Variants in NADSYN1 observed in about 807,000 individuals in gnomAD.
NADSYN1 encodes NAD synthetase 1, also known as glutamine-dependent NAD(+) synthetase.
In NADSYN1, 80 loss-of-function variants were observed where a neutral mutation model predicts 99.3. The observed-to-expected ratio is 0.81, with a 90% CI of 0.67 to 0.97. NADSYN1 has a LOEUF of 0.97. NADSYN1 is among the 50% of genes least tolerant of loss of function. NADSYN1 has a pLI of 0.00. For missense variants in NADSYN1, 859 were observed against 948.5 expected (o/e 0.91, Z 1.24); for synonymous variants, 385 against 372.1 (o/e 1.03, Z -0.40).
chr11:71,482,991 C>A lies in NADSYN1; in HGVS notation c.1293C>A (p.Ala431=). The A allele has an allele frequency of 6.2e-7, 1 of 1,612,316 alleles. No homozygotes were observed. Among genetic ancestry groups the A allele is most frequent in the Non-Finnish European group, 8.5e-7 (1 of 1,179,514 alleles). The stretch of plus-strand genomic sequence containing the variant: ...CCTCCCAGGAGACGTGCACCCGGGC[C>A]AGAGAGTTGGCCCAGCAGATTGGAA... ...KNSSQETCTR[A]RELAQQIGSH... is the part of the protein sequence containing the mutation. Residue 431 remains alanine (A), a synonymous_variant, in exon 14 of 21, where the codon GCC becomes GCA. Coordinates refer to ENST00000319023, the MANE Select transcript of NADSYN1 (RefSeq NM_018161.5).
intron 3 of NADSYN1, among the ~76,000 whole-genome samples, chr11:71,460,387 G>C (rs1949543358): frequency 6.6e-6 from 1 of 152,170 alleles, no homozygotes. Context: ...TTCTCACTCT[G>C]TTGTCCAGGC....
At chr11:71,497,242 G>T in intron 18 of NADSYN1, 2 of 497,408 alleles carry the variant, frequency 4.0e-6, no homozygotes, top group Admixed American at 6.6e-5. Flanking sequence ...AGCGCTCCTT[G>T]GTGAGCCACC....
Position 71,453,392 on chromosome 11 carries a change from G to T in NADSYN1, c.85+11G>T. The T allele has an allele frequency of 6.2e-7, 1 of 1,610,514 alleles. No individual in the cohort carries two copies. On this transcript the variant is annotated intron_variant, in intron 1 of 20. Transcript: ENST00000319023. ...AAAGAATTTTAAAGAGTGAGTCTGG[G>T]GCGGCGGGGGCACCGGTTTGGGGTG...
At chr11:71,491,742 C>G in intron 17 of NADSYN1, 92 bp from the exon 18 acceptor site, 2 of 1,184,712 alleles carry the variant, frequency 1.7e-6, no homozygotes, top group Non-Finnish European at 2.5e-6. Flanking sequence ...CCGGGACCAG[C>G]GTACTCGGGA....
At chr11:71,462,780 C>T (rs907622769) in intron 3 of NADSYN1, among the ~76,000 whole-genome samples, 27 of 152,256 alleles carry the variant, frequency 1.8e-4, no homozygotes, top group African/African-American at 5.1e-4. Context: ...TGCTTTTCTT[C>T]GACACTGTGT....
chr11:71,473,443 C>T (rs1402172154), intron 7 of NADSYN1, 77 bp downstream of exon 7: 1 of 1,561,338 alleles, frequency 6.4e-7, no homozygotes, highest in Non-Finnish European at 8.8e-7. Flanking sequence ...CTGCAGACGT[C>T]CTGGGGCCGT....
At chr11:71,457,503 G>T (rs1266645648) in intron 2 of NADSYN1, among the ~76,000 whole-genome samples, 1 of 152,222 alleles carries the variant, frequency 6.6e-6, no homozygotes, top group Non-Finnish European at 1.5e-5. Flanking sequence ...AAGAAACCCA[G>T]CCTTCGCATT....
Position 71,497,610 on chromosome 11 carries a change from A to G in NADSYN1, c.1892A>G (p.Gln631Arg), listed in dbSNP as rs1949828914. The G allele has an allele frequency of 7.4e-6, 12 of 1,613,912 alleles. No individual in the cohort carries two copies. In the East Asian group the frequency reaches 8.9e-5, roughly 12 times the overall value. Reference sequence around the variant, plus strand: ...TGGAGACACATCTGCACCCCGAGACAGGTAAAGCCTGTGAGACGCATCACA... The same window carrying G: ...TGGAGACACATCTGCACCCCGAGACGGGTAAAGCCTGTGAGACGCATCACA... ...GMWRHICTPRQVADKVKRFFS... is the reference protein window; with the variant it reads ...GMWRHICTPRRVADKVKRFFS... The change falls in exon 19 of 21, where the codon CAG (glutamine) becomes CGG (arginine). Residue 631 changes from glutamine to arginine, a missense_variant and splice_region_variant. Physicochemically the swap from Gln to Arg is conservative, Grantham distance 43. Coordinates refer to ENST00000319023, the MANE Select transcript of NADSYN1 (RefSeq NM_018161.5).
rs1949737533 is a variant in NADSYN1, at chr11:71,485,659, C to T, written c.1562+11C>T. On this transcript the variant is annotated intron_variant, in intron 16 of 20. Coordinates refer to ENST00000319023, the MANE Select transcript of NADSYN1 (RefSeq NM_018161.5). ...CAACGTGGATGAGAGGTGAGTGTGGCCCAGTGGCACGTGGTGGTGGGCCCC... is the reference window on the plus strand; with the variant it reads ...CAACGTGGATGAGAGGTGAGTGTGGTCCAGTGGCACGTGGTGGTGGGCCCC... 1 of 1,545,510 alleles carries T rather than the reference C, an allele frequency of 6.5e-7. No homozygotes were observed. Among genetic ancestry groups the T allele is most frequent in the Admixed American group, 2.0e-5 (1 of 49,990 alleles).
intron 9 of NADSYN1, chr11:71,474,838 T>C: frequency 2.6e-6 from 1 of 384,290 alleles, no homozygotes; most frequent in Non-Finnish European, 5.0e-6. Flanking sequence ...AGGGGGGACC[T>C]CCCGCCCTCG....
chr11:71,463,428 G>T lies in NADSYN1; in HGVS notation c.264-4G>T. 6.2e-7 allele frequency: 1 copy of T among 1,613,808 alleles called. No homozygotes were observed. Among genetic ancestry groups the T allele is most frequent in the East Asian group, 2.2e-5 (1 of 44,846 alleles). ...CACACATGTACCTCCCCTCTCTCCT[G>T]CAGGCCTGTAATGCACCGAAACGTC... is the stretch of plus-strand genomic sequence containing the variant. On this transcript the variant is annotated splice_polypyrimidine_tract_variant and splice_region_variant and intron_variant, in intron 3 of 20. Coordinates refer to ENST00000319023, the MANE Select transcript of NADSYN1 (RefSeq NM_018161.5).
chr11:71,482,722 C>G (rs573589575), intron 13 of NADSYN1, 127 bp from the exon 14 acceptor site: 1 of 966,924 alleles, frequency 1.0e-6, no homozygotes. Context: ...TGGAGCCGCA[C>G]AGGCACCTGG....
chr11:71,471,185 G>A (rs1949624597), intron 5 of NADSYN1, among the ~76,000 whole-genome samples: 1 of 152,160 alleles, frequency 6.6e-6, no homozygotes, highest in Admixed American at 6.5e-5. Context: ...CCTCTGGGAT[G>A]GTATTCCTTT....
At chr11:71,457,265 A>G (rs921910947) in intron 2 of NADSYN1, among the ~76,000 whole-genome samples, 1 of 152,264 alleles carries the variant, frequency 6.6e-6, no homozygotes. Context: ...TGCCTTTTCT[A>G]TCTGAGAACT....
intron 5 of NADSYN1, among the ~76,000 whole-genome samples, chr11:71,471,537 C>T (rs921011099): frequency 1.3e-5 from 2 of 152,114 alleles, no homozygotes; most frequent in Admixed American, 6.5e-5. Flanking sequence ...GTTCCGGTGT[C>T]CAGGGTGTCT....
At chr11:71,484,529 C>CCCACCTGGGCCATCGT in intron 15 of NADSYN1, 82 bp downstream of exon 15, 2 of 1,489,474 alleles carry the variant, frequency 1.3e-6, no homozygotes, top group Non-Finnish European at 1.8e-6. Flanking sequence ...TGCAGGTGCC[C>CCCACCTGGGCCATCGT]CCACCTGGGC....
intron 18 of NADSYN1, among the ~76,000 whole-genome samples, chr11:71,493,256 A>C (rs1949796027): frequency 6.6e-6 from 1 of 152,148 alleles, no homozygotes; most frequent in Non-Finnish European, 1.5e-5. Context: ...TTCTTTTGCC[A>C]AATGTATTTC....
intron 16 of NADSYN1, 112 bp from the exon 17 acceptor site, chr11:71,490,733 A>G: frequency 6.8e-7 from 1 of 1,464,712 alleles, no homozygotes; most frequent in Admixed American, 2.0e-5. Context: ...ATGCTTGAAT[A>G]TGCCACACTT....
chr11:71,482,745 G>A lies in NADSYN1; in HGVS notation c.1151-104G>A, dbSNP rs559730703. 6 of 1,336,750 alleles carry A rather than the reference G, an allele frequency of 4.5e-6. No homozygotes were observed. In the African/African-American group the frequency reaches 4.5e-5, roughly 10 times the overall value. The allele number at this position is 1,336,750 out of a possible 1,614,324, so 82.8% of individuals were successfully genotyped here. A position where few individuals can be genotyped will look rare whatever the true frequency, so the allele number is the denominator to read the frequency against. On this transcript the variant is annotated intron_variant, in intron 13 of 20. Coordinates refer to ENST00000319023, the MANE Select transcript of NADSYN1 (RefSeq NM_018161.5). ...CACAGGCACCTGGGGGTGTAGACCG[G>A]GGTGGAGCCGCATGGGCACCTGGGG...
Sources: allele counts gnomAD v4.1 joint callset (sites outside exome capture counted in the v4.1 genomes callset), GRCh38; gene constraint gnomAD v4.1.1; transcripts MANE v1.5; gene names NCBI Gene and HGNC (gene_info 2026-07-23, HGNC 2026-07-21).